UTP6: variants seen among roughly 807,000 people sequenced by gnomAD.
The protein encoded by UTP6 is U3 small nucleolar RNA-associated protein 6 homolog.
Under a neutral mutation model 96.5 loss-of-function variants are expected in UTP6, and 60 were observed. The observed-to-expected ratio is 0.62, with a 90% CI of 0.51 to 0.77. The LOEUF (loss-of-function observed/expected upper bound fraction) is 0.77. Ranked by LOEUF, UTP6 falls within the 30% of genes least tolerant of loss-of-function variation. The probability of loss-of-function intolerance (pLI) is 0.00; values close to 1 mark genes in which losing one functional copy is unlikely to be tolerated. For synonymous variants in UTP6, 215 were observed against 240.1 expected, an observed-to-expected ratio of 0.90 and a Z score of 0.96; for missense variants, 637 against 706.5, an observed-to-expected ratio of 0.90 and a Z score of 1.12.
chr17:31,889,482 T>A, intron 6 of UTP6, 79 bp from the exon 7 acceptor site: 1 of 1,147,960 alleles, frequency 8.7e-7, no homozygotes. Flanking sequence ...GATCCAATTT[T>A]AATACTCGCA....
intron 10 of UTP6, among the ~76,000 whole-genome samples, 176 bp from the exon 11 acceptor site, chr17:31,880,930 C>T (rs1340832840): frequency 6.6e-6 from 1 of 152,184 alleles, no homozygotes; most frequent in Non-Finnish European, 1.5e-5. Context: ...GAGACCAGCA[C>T]TTTGGGAGTC....
intron 2 of UTP6, among the ~76,000 whole-genome samples, chr17:31,897,524 C>T (rs1264593701): frequency 6.8e-6 from 1 of 146,922 alleles, no homozygotes. Flanking sequence ...TCTTGGCTCA[C>T]TGCAACCTCC....
At chr17:31,872,242 T>C (rs917404903) in intron 16 of UTP6, among the ~76,000 whole-genome samples, 6 of 151,960 alleles carry the variant, frequency 3.9e-5, no homozygotes, top group Admixed American at 1.3e-4. Context: ...ATTACAGTTA[T>C]ACTATAATCT....
intron 18 of UTP6, among the ~76,000 whole-genome samples, chr17:31,864,693 G>T (rs559169759): frequency 6.6e-6 from 1 of 151,998 alleles, no homozygotes; most frequent in African/African-American, 2.4e-5. Flanking sequence ...TGGCATCACA[G>T]TCATTGCAGC....
chr17:31,872,269 A>G (rs1393065825), intron 16 of UTP6, among the ~76,000 whole-genome samples: 1 of 152,114 alleles, frequency 6.6e-6, no homozygotes, highest in Non-Finnish European at 1.5e-5. Context: ...CATAAAAACA[A>G]ATTTTAAAAT....
At position 31,865,422 on chromosome 17, in the gene UTP6, G is replaced by A. The variant is rs776386716; in HGVS notation, c.1580C>T (p.Ala527Val). The A allele has an allele frequency of 1.5e-5, 25 of 1,613,604 alleles. No individual in the cohort carries two copies. Among genetic ancestry groups the A allele is most frequent in the South Asian group, 3.3e-5 (3 of 91,074 alleles). Residue 527 changes from alanine (A) to valine (V), a missense_variant, in exon 18 of 19, where the codon GCG (alanine) becomes GTG (valine). Coordinates refer to ENST00000261708, the MANE Select transcript of UTP6 (RefSeq NM_018428.3). ...FEKEQESCNM[A>V]NIREYYERAL... ...TCTCTCATAATATTCTCTTATGTTCGCCATATTGCAGGATTCCTGACAAAG... is the reference window on the plus strand; with the variant it reads ...TCTCTCATAATATTCTCTTATGTTCACCATATTGCAGGATTCCTGACAAAG...
intron 16 of UTP6, among the ~76,000 whole-genome samples, chr17:31,870,528 G>GTTT (rs907614453): frequency 7.0e-6 from 1 of 142,290 alleles, no homozygotes. Flanking sequence ...TTTTTTTTTG[G>GTTT]TTTTTTTTTT....
At chr17:31,894,217 C>T (rs749166356) in intron 4 of UTP6, among the ~76,000 whole-genome samples, 105 of 148,042 alleles carry the variant, frequency 7.1e-4, no homozygotes, top group African/African-American at 2.5e-3. Flanking sequence ...TACAGTGAAC[C>T]GAGATCACCC....
At chr17:31,879,876 T>G (rs1271265185) in intron 11 of UTP6, among the ~76,000 whole-genome samples, 3 of 151,018 alleles carry the variant, frequency 2.0e-5, no homozygotes, top group Non-Finnish European at 4.4e-5. Flanking sequence ...GAGGCCAAAG[T>G]GAGCAAACCA....
At chr17:31,894,810 C>T (rs1243508321) in intron 3 of UTP6, 73 bp from the exon 4 acceptor site, 2 of 1,372,162 alleles carry the variant, frequency 1.5e-6, no homozygotes, top group Middle Eastern at 1.8e-4. Flanking sequence ...TACTTGACCA[C>T]TTAATGGTAC....
Position 31,894,737 on chromosome 17 carries a change from G to A in UTP6, c.220C>T (p.Arg74Cys), listed in dbSNP as rs201848137. The A allele has an allele frequency of 1.9e-5, 31 of 1,605,398 alleles. No individual in the cohort carries two copies. The highest frequency in any genetic ancestry group is 3.4e-5 in the Admixed American group (2 of 59,072). ...LLELIQRRRTRIGYSFKKDEI... is the reference protein window; with the variant it reads ...LLELIQRRRTCIGYSFKKDEI... ...TCCTTCTTAAATGAATATCCAATGC[G>A]CTAAAGGGGGACATAAAAAAACAGA... is the stretch of plus-strand genomic sequence containing the variant. Residue 74 changes from arginine to cysteine, a missense_variant and splice_region_variant, in exon 4 of 19, where the codon CGC becomes TGC. Physicochemically the swap from Arg to Cys is radical, Grantham distance 180 (BLOSUM62 -3). Coordinates refer to ENST00000261708, the MANE Select transcript of UTP6 (RefSeq NM_018428.3).
At position 31,878,226 on chromosome 17, in the gene UTP6, A is replaced by AG. The variant is rs779569120; in HGVS notation, c.1125+23dup. ...GGAATAAGGTATTTGTAACTGGCAC[A>AG]GAATATTTTCTCTATGTTCTTACCA... is the stretch of plus-strand genomic sequence containing the variant. On this transcript the variant is annotated intron_variant, in intron 13 of 18. Transcript: ENST00000261708. The AG allele has an allele frequency of 1.9e-6, 3 of 1,611,412 alleles. No homozygotes were observed. In the East Asian group the frequency reaches 6.7e-5, roughly 36 times the overall value.
rs1910425956 is a variant in UTP6, at chr17:31,875,227, C to T, written c.1305+7G>A. The T allele has an allele frequency of 6.2e-7, 1 of 1,613,412 alleles. No individual in the cohort carries two copies. The highest frequency in any genetic ancestry group is 1.3e-5 in the African/African-American group (1 of 74,854). The stretch of plus-strand genomic sequence containing the variant: ...TATAATGAATACAAAAGATCCAGCT[C>T]ACTGACCTGGGGTTTCAGGTGCACA... On this transcript the variant is annotated splice_region_variant and intron_variant, in intron 14 of 18. Coordinates refer to ENST00000261708, the MANE Select transcript of UTP6 (RefSeq NM_018428.3).
At chr17:31,901,316 A>AT (rs1904966479) in intron 1 of UTP6, 1 of 548,428 alleles carries the variant, frequency 1.8e-6, no homozygotes, top group African/African-American at 1.9e-5. Flanking sequence ...ACCCGGCTCC[A>AT]TGAAGGGCTG....
intron 10 of UTP6, among the ~76,000 whole-genome samples, chr17:31,882,134 G>C (rs370089000): frequency 2.0e-5 from 3 of 152,018 alleles, no homozygotes; most frequent in South Asian, 4.2e-4. Context: ...GGGTTCAAGC[G>C]ATTCTCCTGC....
chr17:31,874,245 A>T (rs1910357008), intron 14 of UTP6: 1 of 154,958 alleles, frequency 6.5e-6, no homozygotes, highest in Non-Finnish European at 1.4e-5. Flanking sequence ...TCCCAGAGGT[A>T]CGTACAAATG....
At chr17:31,898,715 C>A (rs1198831844) in intron 2 of UTP6, among the ~76,000 whole-genome samples, 1 of 147,588 alleles carries the variant, frequency 6.8e-6, no homozygotes, top group Non-Finnish European at 1.5e-5. Context: ...ATTAATCAAC[C>A]AATCAATCAA....
At chr17:31,868,329 T>TTTG (rs1380696783) in intron 16 of UTP6, among the ~76,000 whole-genome samples, 1 of 142,692 alleles carries the variant, frequency 7.0e-6, no homozygotes, top group Non-Finnish European at 1.5e-5. Flanking sequence ...TTTTTGGTTT[T>TTTG]TTTTTTTTTT....
chr17:31,900,015 G>A (rs1016721522), intron 1 of UTP6, among the ~76,000 whole-genome samples: 3 of 151,656 alleles, frequency 2.0e-5, no homozygotes, highest in East Asian at 2.0e-4. Context: ...GTGGTGGTGC[G>A]TGCCTGTAGT....
Sources: gnomAD v4.1 joint callset for allele counts (sites outside exome capture counted in the v4.1 genomes callset) on GRCh38, gnomAD v4.1.1 for gene constraint, MANE v1.5 for transcripts, NCBI Gene and HGNC (gene_info 2026-07-23, HGNC 2026-07-21) for gene names.